ZNF331: variants seen among roughly 807,000 people sequenced by gnomAD.
ZNF331 encodes the protein zinc finger protein 331, also known as C2H2-like zinc finger protein rearranged in thyroid adenomas.
In ZNF331, 2 loss-of-function variants were observed where a neutral mutation model predicts 7.0. The ratio of observed to expected loss-of-function variants is 0.29; its 90% CI spans 0.12 to 0.90. The LOEUF (loss-of-function observed/expected upper bound fraction) is 0.90. Ranked by LOEUF, ZNF331 falls within the 40% of genes least tolerant of loss-of-function variation. The pLI, the probability that ZNF331 is intolerant of heterozygous loss-of-function variation, is 0.58. For missense variants in ZNF331, 432 were observed against 587.7 expected (o/e 0.74, Z 2.74); for synonymous variants, 196 against 205.4 (o/e 0.95, Z 0.39).
In ZNF331 at chr19:53,573,731, A is replaced by C. The variant is rs1159473406; in HGVS notation, c.136+2001A>C. Among the ~76,000 whole-genome samples, 1 of 152,162 alleles carries C rather than the reference A, an allele frequency of 6.6e-6. No individual in the cohort carries two copies. The highest frequency in any genetic ancestry group is 1.5e-5 in the Non-Finnish European group (1 of 68,032). On this transcript the variant is annotated intron_variant, in intron 5 of 5. Transcript: ENST00000449416. The surrounding 1 kb of genome is among the most constrained non-coding windows in gnomAD (Gnocchi z 4.2). ...GAATCCACCCACCTCAGCCTTCCAA[A>C]GAGGCTGGATTACAGGCGTGAGCCA...
chr19:53,561,508 C>G (rs2089886087), intron 3 of ZNF331, among the ~76,000 whole-genome samples: 1 of 152,050 alleles, frequency 6.6e-6, no homozygotes. Flanking sequence ...CTTTCTGGAG[C>G]TGGAATTTTG....
intron 2 of ZNF331, among the ~76,000 whole-genome samples, chr19:53,544,586 C>T (rs1049735234): frequency 6.6e-6 from 1 of 151,786 alleles, no homozygotes. Flanking sequence ...TATTCCATGC[C>T]ATCATATAGC....
chr19:53,575,071 G>A (rs1316753825), intron 5 of ZNF331, among the ~76,000 whole-genome samples: 1 of 150,772 alleles, frequency 6.6e-6, no homozygotes, highest in African/African-American at 2.4e-5. Context: ...CAAGTAGCTG[G>A]GACTATAGGT....
chr19:53,516,040 C>A (rs1413171137), upstream of ZNF331, among the ~76,000 whole-genome samples: 1 of 152,132 alleles, frequency 6.6e-6, no homozygotes, highest in Non-Finnish European at 1.5e-5. Flanking sequence ...ATAAGGAAGA[C>A]ACAGAAAGAG....
At chr19:53,521,331 A>AGTGAGTGT (rs779905191) in exon 1 of ZNF331, 9,876 of 129,052 alleles carry the variant, frequency 0.077, 347 homozygotes, top group East Asian at 0.14. Flanking sequence ...AGTGTGTGTG[A>AGTGAGTGT]GTGTGTGTGT....
chr19:53,507,374 T>C, the ZNF331 span, among the ~76,000 whole-genome samples: 1 of 151,872 alleles, frequency 6.6e-6, no homozygotes, highest in African/African-American at 2.4e-5. Context: ...TTGAGATGGG[T>C]TAGTCCAAAC....
intron 3 of ZNF331, among the ~76,000 whole-genome samples, chr19:53,568,630 C>G (rs990542231): frequency 2.0e-5 from 3 of 151,994 alleles, no homozygotes; most frequent in Non-Finnish European, 4.4e-5. Flanking sequence ...CACCAGAGGG[C>G]AAAGGCCAGA....
At chr19:53,548,580 T>G (rs1242926130) in intron 2 of ZNF331, among the ~76,000 whole-genome samples, 2 of 152,154 alleles carry the variant, frequency 1.3e-5, no homozygotes, top group Non-Finnish European at 1.5e-5. Context: ...TAACCCCTTA[T>G]CAGATATATG....
At chr19:53,521,321 AGTGTGTGTGAGTGTGTGTGTGT>A (rs1408304820) in exon 1 of ZNF331, 2 of 89,754 alleles carry the variant, frequency 2.2e-5, no homozygotes, top group Non-Finnish European at 4.4e-5. Flanking sequence ...GGGAAGTGGG[AGTGTGTGTGAGTGTGTGTGTGT>A]GTGTGTGTGT....
upstream of ZNF331, among the ~76,000 whole-genome samples, chr19:53,533,698 A>C (rs2087629164): frequency 6.6e-6 from 1 of 152,194 alleles, no homozygotes; most frequent in African/African-American, 2.4e-5. Context: ...TGTACAATTG[A>C]TACATCTTCT....
upstream of ZNF331, among the ~76,000 whole-genome samples, chr19:53,534,074 G>A (rs1352147788): frequency 6.6e-6 from 1 of 152,106 alleles, no homozygotes; most frequent in African/African-American, 2.4e-5. Flanking sequence ...CAGCCAAAAC[G>A]GACTAAGACA....
chr19:53,572,708 G>A (rs1344020547), intron 5 of ZNF331, among the ~76,000 whole-genome samples: 1 of 151,328 alleles, frequency 6.6e-6, no homozygotes, highest in Non-Finnish European at 1.5e-5. Context: ...GCTAAGCACT[G>A]TGTGTGTAAG....
chr19:53,569,456 T>A, intron 4 of ZNF331, 71 bp downstream of exon 4: 1 of 1,554,696 alleles, frequency 6.4e-7, no homozygotes, highest in Non-Finnish European at 8.9e-7. Context: ...GTGAATTATC[T>A]GAAGCCTTTT....
At chr19:53,576,263 C>T (rs1312073963) in intron 5 of ZNF331, among the ~76,000 whole-genome samples, 2 of 152,198 alleles carry the variant, frequency 1.3e-5, no homozygotes, top group Non-Finnish European at 2.9e-5. Context: ...GGATTACAGG[C>T]GTGATGAGCC....
Position 53,577,527 on chromosome 19 carries a change from G to A in ZNF331, c.967G>A (p.Gly323Ser), listed in dbSNP as rs1042332120. Residue 323 changes from glycine to serine, a missense_variant, in exon 6 of 6, where the codon GGT becomes AGT. Physicochemically the swap from Gly to Ser is moderately conservative, Grantham distance 56. This residue lies in a region of ZNF331 where 312 missense variants were observed against 448.6 expected (regional missense o/e 0.70). Transcript: ENST00000449416. The part of the protein sequence containing the change: ...YLTQHQKIHT[G>S]EKPHECKECG... ...TACTCAGCATCAGAAGATCCACACCGGTGAGAAGCCTCACGAATGTAAGGA... is the reference window on the plus strand; with the variant it reads ...TACTCAGCATCAGAAGATCCACACCAGTGAGAAGCCTCACGAATGTAAGGA... 1.2e-6 allele frequency: 2 copies of A among 1,612,880 alleles called. No individual in the cohort carries two copies. The highest frequency in any genetic ancestry group is 8.5e-7 in the Non-Finnish European group (1 of 1,179,020).
rs1193471286 is a variant in ZNF331 at position 53,549,841 on chromosome 19, G to C, written c.-137-6004G>C. 2.0e-5 allele frequency among the ~76,000 whole-genome samples: 3 copies of C among 150,838 alleles called. No individual in the cohort carries two copies. In the South Asian group the frequency reaches 6.3e-4, roughly 32 times the overall value. ...CATTTTCTGGTTCCTTGAAATGTTTGTTTGAGATCTTCCTTCTTTCGTGAT... is the reference window on the plus strand; with the variant it reads ...CATTTTCTGGTTCCTTGAAATGTTTCTTTGAGATCTTCCTTCTTTCGTGAT... On this transcript the variant is annotated intron_variant, in intron 2 of 5. Coordinates refer to ENST00000449416, the MANE Select transcript of ZNF331 (RefSeq NM_001079906.2).
chr19:53,535,646 T>C (rs943353402), upstream of ZNF331, among the ~76,000 whole-genome samples: 1 of 152,086 alleles, frequency 6.6e-6, no homozygotes, highest in Non-Finnish European at 1.5e-5. Context: ...CTTTGAAAAA[T>C]TAATCATTGA....
chr19:53,543,410 G>T (rs10417818), intron 2 of ZNF331, among the ~76,000 whole-genome samples: 1 of 151,808 alleles, frequency 6.6e-6, no homozygotes, highest in Non-Finnish European at 1.5e-5. Context: ...TTACAAGCGC[G>T]CACCACCATG....
At chr19:53,515,754 C>T (rs1484018720), upstream of ZNF331, among the ~76,000 whole-genome samples, 2 of 152,180 alleles carry the variant, frequency 1.3e-5, no homozygotes, top group Non-Finnish European at 2.9e-5. Flanking sequence ...TCCTCGGCCT[C>T]CCAAAGTACT....
Sources: gnomAD v4.1 joint callset for allele counts (sites outside exome capture counted in the v4.1 genomes callset) on GRCh38, gnomAD v4.1.1 for gene constraint, gnomAD v4.1.1 regional missense constraint, Gnocchi (gnomAD v3.1) non-coding constraint, MANE v1.5 for transcripts, NCBI Gene and HGNC (gene_info 2026-07-23, HGNC 2026-07-21) for gene names.